Variants in GMPR observed in about 807,000 individuals in gnomAD.
GMPR encodes the protein guanosine monophosphate reductase, also known as GMP reductase 1.
A neutral mutation model predicts 38.4 loss-of-function variants in GMPR; 31 were observed. That is an observed-to-expected ratio of 0.81 (90% CI 0.61 to 1.09). GMPR has a LOEUF of 1.09. Ranked by LOEUF, GMPR falls within the 50% of genes least tolerant of loss-of-function variation. The pLI is 0.00. For synonymous variants in GMPR, 162 were observed against 173.3 expected (o/e 0.93, Z 0.51); for missense variants, 468 against 453.7 (o/e 1.03, Z -0.29).
At chr6:16,268,571 C>T (rs1031078250) in intron 4 of GMPR, among the ~76,000 whole-genome samples, 6 of 152,180 alleles carry the variant, frequency 3.9e-5, no homozygotes, top group Admixed American at 6.5e-5. Context: ...TGAGCCACCG[C>T]GCCTGCCGAT....
intron 6 of GMPR, among the ~76,000 whole-genome samples, chr6:16,283,496 A>G (rs181305275): frequency 2.0e-5 from 3 of 152,298 alleles, no homozygotes; most frequent in Admixed American, 1.3e-4. Flanking sequence ...TAAATGTACA[A>G]CCATTAACCA....
chr6:16,266,329 C>T (rs1179312174), intron 4 of GMPR, among the ~76,000 whole-genome samples: 1 of 150,980 alleles, frequency 6.6e-6, no homozygotes, highest in Non-Finnish European at 1.5e-5. Context: ...GAACGAACAA[C>T]TCTGGGTGCG....
At chr6:16,267,137 G>A (rs1041532087) in intron 4 of GMPR, among the ~76,000 whole-genome samples, 2 of 152,192 alleles carry the variant, frequency 1.3e-5, no homozygotes, top group African/African-American at 4.8e-5. Context: ...GCCGAGGTGG[G>A]CGGATCACCA....
chr6:16,253,716 G>A (rs1467288627), intron 3 of GMPR, among the ~76,000 whole-genome samples: 8 of 152,158 alleles, frequency 5.3e-5, no homozygotes, highest in Admixed American at 5.2e-4. Flanking sequence ...AATAAAAATA[G>A]GTAAGAGTTT....
chr6:16,289,101 C>T (rs375093150), intron 7 of GMPR, among the ~76,000 whole-genome samples: 9 of 152,234 alleles, frequency 5.9e-5, no homozygotes, highest in Admixed American at 3.3e-4. Context: ...GCAATAGATT[C>T]TGTTGCTGCT....
At chr6:16,285,960 C>A in intron 7 of GMPR, 125 bp downstream of exon 7, 1 of 813,594 alleles carries the variant, frequency 1.2e-6, no homozygotes, top group African/African-American at 1.7e-5. Context: ...CCTGGAGGTT[C>A]CTCTCCCTGG....
chr6:16,255,416 A>G (rs1325258363), intron 4 of GMPR, among the ~76,000 whole-genome samples: 1 of 152,178 alleles, frequency 6.6e-6, no homozygotes, highest in Admixed American at 6.6e-5. Flanking sequence ...TAGGTCCTCC[A>G]TGTCCCACCC....
At chr6:16,239,382 T>G (rs1374645190) in intron 1 of GMPR, among the ~76,000 whole-genome samples, 1 of 151,978 alleles carries the variant, frequency 6.6e-6, no homozygotes, top group Non-Finnish European at 1.5e-5. Context: ...TTTCGAAAGC[T>G]TTGGGGTGAG....
chr6:16,286,049 G>A (rs1028195934), intron 7 of GMPR, among the ~76,000 whole-genome samples: 2 of 152,148 alleles, frequency 1.3e-5, no homozygotes, highest in South Asian at 2.1e-4. Flanking sequence ...TAGGGGTGAC[G>A]TCCTGCAAGC....
At chr6:16,271,148 G>C (rs1191053355) in intron 4 of GMPR, among the ~76,000 whole-genome samples, 1 of 152,030 alleles carries the variant, frequency 6.6e-6, no homozygotes, top group Non-Finnish European at 1.5e-5. Context: ...AAAATAAAAT[G>C]GTTCGCAGGT....
intron 6 of GMPR, among the ~76,000 whole-genome samples, chr6:16,281,709 C>T (rs1759577997): frequency 6.6e-6 from 1 of 151,782 alleles, no homozygotes; most frequent in Admixed American, 6.6e-5. Context: ...AGGGTTTCAC[C>T]ATGCTGGCCA....
intron 4 of GMPR, among the ~76,000 whole-genome samples, chr6:16,274,000 G>C: frequency 6.6e-6 from 1 of 151,960 alleles, no homozygotes; most frequent in Non-Finnish European, 1.5e-5. Context: ...ATTTTTAGTA[G>C]AGACAGGGTT....
intron 4 of GMPR, chr6:16,262,645 G>T (rs1441348951): frequency 6.6e-6 from 1 of 151,996 alleles, no homozygotes; most frequent in Non-Finnish European, 1.5e-5. Context: ...TTTGAGGGCT[G>T]GAATTTAATT....
intron 4 of GMPR, among the ~76,000 whole-genome samples, chr6:16,257,297 T>G (rs951304879): frequency 6.6e-6 from 1 of 152,190 alleles, no homozygotes; most frequent in Non-Finnish European, 1.5e-5. Flanking sequence ...GACCTCACCC[T>G]ATGTCTCGCT....
intron 7 of GMPR, among the ~76,000 whole-genome samples, chr6:16,289,297 G>A (rs190119595): frequency 1.7e-3 from 266 of 152,322 alleles, no homozygotes; most frequent in Middle Eastern, 3.4e-3. Context: ...GTGAGACCAA[G>A]AACCCACCAG....
At chr6:16,291,908 CA>C (rs758154367) in intron 8 of GMPR, among the ~76,000 whole-genome samples, 2,181 of 78,358 alleles carry the variant, frequency 0.028, 44 homozygotes, top group African/African-American at 0.083. Flanking sequence ...GATACCCTGC[CA>C]AAAAAAAAAA....
chr6:16,277,652 C>A (rs1759497947), intron 5 of GMPR, among the ~76,000 whole-genome samples: 1 of 152,184 alleles, frequency 6.6e-6, no homozygotes, highest in Non-Finnish European at 1.5e-5. Context: ...GTCCACGGAG[C>A]CGACCACCCA....
chr6:16,257,660 C>T (rs1414014412), intron 4 of GMPR, among the ~76,000 whole-genome samples: 1 of 152,142 alleles, frequency 6.6e-6, no homozygotes, highest in African/African-American at 2.4e-5. Context: ...AAATTGCTCA[C>T]AGTTCTGGAG....
chr6:16,278,244 C>T (rs1459743440), intron 5 of GMPR, among the ~76,000 whole-genome samples: 5 of 152,130 alleles, frequency 3.3e-5, no homozygotes, highest in African/African-American at 4.8e-5. Flanking sequence ...CTGGGCCAAG[C>T]GGTATCCCTC....
Sources: gnomAD v4.1 joint callset for allele counts (sites outside exome capture counted in the v4.1 genomes callset) on GRCh38, gnomAD v4.1.1 for gene constraint, MANE v1.5 for transcripts, NCBI Gene and HGNC (gene_info 2026-07-23, HGNC 2026-07-21) for gene names.